The following TBL1X variants were observed in gnomAD, a reference collection of about 807,000 sequenced individuals.
TBL1X encodes transducin beta like 1 X-linked.
In TBL1X, 10 loss-of-function variants were observed where a neutral mutation model predicts 50.7. The observed-to-expected ratio is 0.20, with a 90% confidence interval of 0.12 to 0.33. TBL1X has a LOEUF of 0.33. Among genes scored for constraint, TBL1X ranks in the 10% least tolerant of loss-of-function variants. The probability of loss-of-function intolerance (pLI) is 1.00; values close to 1 mark genes in which losing one functional copy is unlikely to be tolerated. For missense variants in TBL1X, 340 were observed against 504.4 expected (o/e 0.67, Z 3.12); for synonymous variants, 190 against 214.7 (o/e 0.88, Z 1.01).
intron 1 of TBL1X, among the ~76,000 whole-genome samples, chrX:9,494,269 A>G (rs2081960998): frequency 1.8e-5 from 2 of 111,827 alleles, no homozygotes; most frequent in South Asian, 7.4e-4. Flanking sequence ...AGAATTTGCC[A>G]GAACATTCCA....
At chrX:9,654,075 A>T in intron 4 of TBL1X, 140 bp from the exon 5 acceptor site, 1 of 495,115 alleles carries the variant, frequency 2.0e-6, no homozygotes, top group Non-Finnish European at 3.2e-6. Context: ...GTAATCACAT[A>T]ATTATAAAAT....
chrX:9,583,764 T>C (rs2238864), intron 2 of TBL1X, among the ~76,000 whole-genome samples: 38,968 of 110,481 alleles, frequency 0.35, 5,135 homozygotes, highest in East Asian at 0.68. Context: ...TTAGTAATTA[T>C]AGTTCGCCTC....
At chrX:9,687,875 G>A (rs779558319) in intron 6 of TBL1X, 142 bp from the exon 7 acceptor site, 43 of 1,056,280 alleles carry the variant, frequency 4.1e-5, no homozygotes, top group South Asian at 2.6e-4. Flanking sequence ...GGTCCATGCC[G>A]CTTCCCCCGT....
At chrX:9,479,008 A>G (rs1227230037) in intron 1 of TBL1X, among the ~76,000 whole-genome samples, 2 of 112,635 alleles carry the variant, frequency 1.8e-5, no homozygotes, top group Non-Finnish European at 3.7e-5. Flanking sequence ...GTAGTTAGAA[A>G]TCGACTTAAT....
chrX:9,600,729 A>G (rs185268240), intron 2 of TBL1X, among the ~76,000 whole-genome samples: 93 of 111,766 alleles, frequency 8.3e-4, no homozygotes, highest in African/African-American at 2.8e-3. Flanking sequence ...GTAACAATAA[A>G]TGAAAGTTTT....
chrX:9,713,694 C>T lies in TBL1X; in HGVS notation c.1606-1208C>T, dbSNP rs753549861. Reference sequence around the variant, plus strand: ...CTACCCACCTCGGCCTCCCAAAGTGCTGGGATTACAGGCATGAGCCACCGC... The same window carrying T: ...CTACCCACCTCGGCCTCCCAAAGTGTTGGGATTACAGGCATGAGCCACCGC... On this transcript the variant is annotated intron_variant, in intron 16 of 17. Coordinates refer to ENST00000645353, the MANE Select transcript of TBL1X (RefSeq NM_005647.4). Among the ~76,000 whole-genome samples the T allele has an allele frequency of 4.5e-5, 5 of 111,315 alleles. No homozygotes were observed. The East Asian group carries it at 8.4e-4, about 19-fold the overall frequency.
At chrX:9,580,720 G>A (rs1048003675) in intron 2 of TBL1X, among the ~76,000 whole-genome samples, 8 of 111,440 alleles carry the variant, frequency 7.2e-5, no homozygotes, top group Non-Finnish European at 1.5e-4. Context: ...GGGGAAGGGG[G>A]GGTGCTTTCA....
At chrX:9,615,646 T>C (rs758560960) in intron 2 of TBL1X, among the ~76,000 whole-genome samples, 5 of 112,456 alleles carry the variant, frequency 4.4e-5, no homozygotes, top group African/African-American at 1.6e-4. Context: ...GAGTCCTCTT[T>C]CTTTTTCCAC....
chrX:9,687,837 C>A (rs1050431524), intron 6 of TBL1X, among the ~76,000 whole-genome samples, 180 bp from the exon 7 acceptor site: 1 of 111,138 alleles, frequency 9.0e-6, no homozygotes, highest in African/African-American at 3.3e-5. Context: ...TCCCTGCCCA[C>A]CGTGGGATCC....
chrX:9,709,430 C>T, intron 14 of TBL1X, 108 bp downstream of exon 14: 1 of 976,228 alleles, frequency 1.0e-6, no homozygotes, highest in Non-Finnish European at 1.4e-6. Context: ...TACTGACCAC[C>T]CTCCCTTCCT....
At chrX:9,653,288 A>G (rs1317973529) in intron 3 of TBL1X, among the ~76,000 whole-genome samples, 6 of 112,949 alleles carry the variant, frequency 5.3e-5, no homozygotes, top group Non-Finnish European at 1.1e-4. Context: ...TTCATGGACA[A>G]CAGAGTTCTT....
At position 9,688,334 on chromosome X, in the gene TBL1X, G is replaced by T. The variant is rs767121301; in HGVS notation, c.616+59G>T. The stretch of plus-strand genomic sequence containing the variant: ...TCTCTGGGTTCATTGTTTTCTTCTT[G>T]GGCAAATCCGAATGCCTTCTTAAAA... On this transcript the variant is annotated intron_variant, in intron 7 of 17. Coordinates refer to ENST00000645353, the MANE Select transcript of TBL1X (RefSeq NM_005647.4). 99 of 1,004,218 alleles carry T rather than the reference G, an allele frequency of 9.9e-5. No individual in the cohort carries two copies. The African/African-American group carries it at 1.3e-3, about 14-fold the overall frequency. The allele number at this position is 1,004,218 out of a possible 1,213,427, so 82.8% of individuals were successfully genotyped here. A position where few individuals can be genotyped will look rare whatever the true frequency, so the allele number is the denominator to read the frequency against.
intron 1 of TBL1X, among the ~76,000 whole-genome samples, chrX:9,483,371 T>G (rs914687440): frequency 8.9e-6 from 1 of 112,212 alleles, no homozygotes; most frequent in Non-Finnish European, 1.9e-5. Context: ...GGAGCTCAGT[T>G]TAGAAGAAAA....
intron 2 of TBL1X, among the ~76,000 whole-genome samples, chrX:9,517,245 G>A (rs1222245492): frequency 9.0e-6 from 1 of 110,714 alleles, no homozygotes; most frequent in South Asian, 3.9e-4. Context: ...GTTCTTTGAG[G>A]AAATCCGAGT....
chrX:9,532,269 C>A (rs2066667053), intron 2 of TBL1X, among the ~76,000 whole-genome samples: 1 of 111,976 alleles, frequency 8.9e-6, no homozygotes, highest in African/African-American at 3.3e-5. Flanking sequence ...ATTTCTGCCC[C>A]ACCCTGGACA....
At position 9,701,347 on chromosome X, in the gene TBL1X, G is replaced by C. The variant is rs181308408; in HGVS notation, c.1115-3646G>C. Among the ~76,000 whole-genome samples, 790 of 109,464 alleles carry C rather than the reference G, an allele frequency of 7.2e-3. 11 individuals are homozygous for C. Among genetic ancestry groups the C allele is most frequent in the African/African-American group, 0.025 (756 of 30,023 alleles). The stretch of plus-strand genomic sequence containing the variant: ...TATGCATGGGAGGGAGGGCACAGAG[G>C]CCCCCAGTGTAGCTCAGCCCTCTTA... On this transcript the variant is annotated intron_variant, in intron 12 of 17. Transcript: ENST00000645353.
At chrX:9,508,999 A>G (rs2082040092) in intron 2 of TBL1X, among the ~76,000 whole-genome samples, 1 of 110,283 alleles carries the variant, frequency 9.1e-6, no homozygotes, top group African/African-American at 3.3e-5. Context: ...ATTAGGTAGT[A>G]GGGTGCTGCA....
chrX:9,496,053 T>C (rs1014502840), intron 1 of TBL1X, among the ~76,000 whole-genome samples: 1 of 112,583 alleles, frequency 8.9e-6, no homozygotes, highest in Non-Finnish European at 1.9e-5. Flanking sequence ...GTATACATAG[T>C]GTAGTGTTGA....
At chrX:9,633,839 A>G (rs1051251976) in intron 2 of TBL1X, among the ~76,000 whole-genome samples, 4 of 111,894 alleles carry the variant, frequency 3.6e-5, no homozygotes, top group Non-Finnish European at 5.6e-5. Flanking sequence ...GGGGAGAGTC[A>G]GGCAAACCCT....
Sources: allele counts gnomAD v4.1 joint callset (sites outside exome capture counted in the v4.1 genomes callset), GRCh38; gene constraint gnomAD v4.1.1; transcripts MANE v1.5; gene names NCBI Gene and HGNC (gene_info 2026-07-23, HGNC 2026-07-21).